Variants in SPPL2A observed in about 807,000 individuals in gnomAD.
SPPL2A encodes signal peptide peptidase-like 2A.
SPPL2A carries 51 observed loss-of-function variants against 63.8 expected under a neutral mutation model. The ratio of observed to expected loss-of-function variants is 0.80; its 90% CI spans 0.64 to 1.01. The LOEUF is 1.01. SPPL2A is among the 50% of genes least tolerant of loss of function. SPPL2A has a pLI of 0.00. For synonymous variants in SPPL2A, 188 were observed against 205.8 expected (o/e 0.91, Z 0.74); for missense variants, 553 against 622.7 (o/e 0.89, Z 1.19).
At chr15:50,727,138 T>A (rs1241254810) in intron 10 of SPPL2A, among the ~76,000 whole-genome samples, 1 of 152,216 alleles carries the variant, frequency 6.6e-6, no homozygotes, top group Non-Finnish European at 1.5e-5. Context: ...TAAGACTGCA[T>A]GAACCACTCA....
At chr15:50,750,898 A>G (rs745351521) in intron 1 of SPPL2A, among the ~76,000 whole-genome samples, 3 of 152,236 alleles carry the variant, frequency 2.0e-5, no homozygotes, top group Non-Finnish European at 4.4e-5. Flanking sequence ...AGCTTCTGCC[A>G]CCAAAGCACA....
intron 12 of SPPL2A, 52 bp from the exon 13 acceptor site, chr15:50,722,253 A>G (rs2062654584): frequency 9.8e-7 from 1 of 1,016,700 alleles, no homozygotes; most frequent in African/African-American, 1.6e-5. Context: ...AGCAATGCAA[A>G]TTCAATTGTT....
chr15:50,750,156 T>C (rs763660360), intron 1 of SPPL2A, among the ~76,000 whole-genome samples: 1 of 152,142 alleles, frequency 6.6e-6, no homozygotes, highest in Non-Finnish European at 1.5e-5. Context: ...TAGACTGGAG[T>C]GCAGTAGCAC....
chr15:50,707,986 T>A, intron 14 of SPPL2A, 112 bp from the exon 15 acceptor site: 3 of 671,338 alleles, frequency 4.5e-6, no homozygotes, highest in Non-Finnish European at 8.1e-6. Context: ...TCTATGAAAC[T>A]GAGCACTCCT....
intron 1 of SPPL2A, among the ~76,000 whole-genome samples, chr15:50,761,841 A>G (rs1254831374): frequency 6.6e-6 from 1 of 152,064 alleles, no homozygotes; most frequent in Admixed American, 6.6e-5. Flanking sequence ...CTGAGGCAGG[A>G]GAATTGCTAG....
chr15:50,740,633 CAG>C (rs61285139), intron 5 of SPPL2A, among the ~76,000 whole-genome samples: 37,764 of 151,648 alleles, frequency 0.25, 5,612 homozygotes, highest in East Asian at 0.54. Context: ...TTTTTTGAGA[CAG>C]AGTCTTGCTC....
At chr15:50,722,568 T>C (rs559743735) in intron 12 of SPPL2A, among the ~76,000 whole-genome samples, 1 of 152,284 alleles carries the variant, frequency 6.6e-6, no homozygotes, top group East Asian at 1.9e-4. Flanking sequence ...ACAATTCCCC[T>C]GCCTCAGCCT....
intron 1 of SPPL2A, among the ~76,000 whole-genome samples, chr15:50,753,145 A>G (rs1259567610): frequency 5.3e-5 from 8 of 152,166 alleles, no homozygotes; most frequent in Non-Finnish European, 1.0e-4. Flanking sequence ...AGCTAGATCT[A>G]TTTCTAGAAA....
chr15:50,716,217 C>T (rs1239086742), intron 14 of SPPL2A, among the ~76,000 whole-genome samples: 6 of 152,024 alleles, frequency 3.9e-5, no homozygotes, highest in Admixed American at 2.6e-4. Context: ...ATTTTTGAGA[C>T]GGAGTCTTGC....
chr15:50,719,810 C>T, intron 14 of SPPL2A, 130 bp downstream of exon 14: 2 of 525,012 alleles, frequency 3.8e-6, no homozygotes, highest in Non-Finnish European at 3.3e-6. Flanking sequence ...AATAGGTGGA[C>T]AGTGAGTAAG....
intron 5 of SPPL2A, among the ~76,000 whole-genome samples, chr15:50,741,788 A>G (rs2062822908): frequency 6.6e-6 from 1 of 151,844 alleles, no homozygotes; most frequent in Admixed American, 6.6e-5. Flanking sequence ...CAACATGATG[A>G]AAGTCCATCT....
chr15:50,722,305 A>C, intron 12 of SPPL2A, 104 bp from the exon 13 acceptor site: 1 of 651,814 alleles, frequency 1.5e-6, no homozygotes, highest in South Asian at 1.9e-5. Context: ...TCATTGTTGC[A>C]TTATAAGAAC....
Position 50,702,407 on chromosome 15 carries a change from A to C in SPPL2A, c.*5393T>G, listed in dbSNP as rs2062483203. ...ATTTCAAATTTTAAAACATTCCATA[A>C]AAATATAAAGCCTAGTAGTGTTATA... On this transcript the variant is annotated 3_prime_UTR_variant, in exon 15 of 15. Transcript: ENST00000261854. 1 of 152,210 alleles carries C rather than the reference A, an allele frequency of 6.6e-6. No individual in the cohort carries two copies. Among genetic ancestry groups the C allele is most frequent in the Non-Finnish European group, 1.5e-5 (1 of 68,038 alleles). 9.4% of individuals were successfully genotyped at this position (152,210 alleles called of 1,614,324 possible). A position where few individuals can be genotyped will look rare whatever the true frequency, so the allele number is the denominator to read the frequency against.
intron 14 of SPPL2A, among the ~76,000 whole-genome samples, chr15:50,714,764 G>A (rs974042443): frequency 4.0e-5 from 6 of 151,690 alleles, no homozygotes; most frequent in East Asian, 1.9e-4. Context: ...CTAACATGGC[G>A]AAATACTGTC....
intron 8 of SPPL2A, among the ~76,000 whole-genome samples, chr15:50,734,789 G>A (rs181768791): frequency 2.6e-5 from 4 of 152,158 alleles, no homozygotes; most frequent in African/African-American, 4.8e-5. Flanking sequence ...CATGTATCCC[G>A]TAAATATATA....
chr15:50,735,261 T>C (rs2062761010), intron 8 of SPPL2A, among the ~76,000 whole-genome samples: 1 of 152,150 alleles, frequency 6.6e-6, no homozygotes, highest in Non-Finnish European at 1.5e-5. Context: ...TTGAGATTCA[T>C]TCACGCCTCT....
intron 1 of SPPL2A, among the ~76,000 whole-genome samples, chr15:50,750,424 T>C (rs1463935708): frequency 2.0e-5 from 3 of 152,128 alleles, no homozygotes; most frequent in Non-Finnish European, 4.4e-5. Flanking sequence ...AATCCATCAA[T>C]CTGTCTTACG....
intron 1 of SPPL2A, among the ~76,000 whole-genome samples, chr15:50,751,435 T>G (rs749706879): frequency 6.6e-6 from 1 of 152,218 alleles, no homozygotes; most frequent in Non-Finnish European, 1.5e-5. Context: ...ATCCTGCAGA[T>G]AAACATGAAG....
At chr15:50,735,565 ACAT>A (rs1344161135) in intron 8 of SPPL2A, among the ~76,000 whole-genome samples, 1 of 151,352 alleles carries the variant, frequency 6.6e-6, no homozygotes, top group South Asian at 2.1e-4. Flanking sequence ...ACACACACAC[ACAT>A]ATTTTTTTGA....
Sources: allele counts gnomAD v4.1 joint callset (sites outside exome capture counted in the v4.1 genomes callset), GRCh38; gene constraint gnomAD v4.1.1; transcripts MANE v1.5; gene names NCBI Gene and HGNC (gene_info 2026-07-23, HGNC 2026-07-21).